RBFOX1: variants seen among roughly 807,000 people sequenced by gnomAD.
RBFOX1 encodes the protein RNA binding fox-1 homolog 1.
A neutral mutation model predicts 57.7 loss-of-function variants in RBFOX1; 8 were observed. The ratio of observed to expected loss-of-function variants is 0.14; its 90% CI spans 0.08 to 0.25. The LOEUF is 0.25. RBFOX1 is among the 10% of genes least tolerant of loss of function. RBFOX1 has a pLI of 1.00. For synonymous variants in RBFOX1, 326 were observed against 222.4 expected, an observed-to-expected ratio of 1.47 and a Z score of -4.15; for missense variants, 611 against 548.5, an observed-to-expected ratio of 1.11 and a Z score of -1.14.
intron 2 of RBFOX1, among the ~76,000 whole-genome samples, chr16:6,335,732 C>G (rs1187650474): frequency 7.1e-6 from 1 of 141,270 alleles, no homozygotes; most frequent in Non-Finnish European, 1.5e-5. Flanking sequence ...AAGCTGAGAT[C>G]GCACCACTAC....
intron 3 of RBFOX1, among the ~76,000 whole-genome samples, chr16:5,638,637 T>C (rs1322267273): frequency 6.6e-6 from 1 of 152,162 alleles, no homozygotes; most frequent in Admixed American, 6.5e-5. Context: ...TCATAAGTTT[T>C]TATTCACTGT....
At chr16:7,011,878 G>A (rs1296205268) in intron 3 of RBFOX1, among the ~76,000 whole-genome samples, 1 of 152,180 alleles carries the variant, frequency 6.6e-6, no homozygotes, top group African/African-American at 2.4e-5. Flanking sequence ...GCCTTTGGAT[G>A]ATGTTAGCTC....
chr16:6,930,896 C>T (rs995888434), intron 3 of RBFOX1, among the ~76,000 whole-genome samples: 1 of 152,072 alleles, frequency 6.6e-6, no homozygotes, highest in Admixed American at 6.5e-5. Context: ...CCTGCCCCCT[C>T]ACCATAGCCG....
rs58351240 is a variant in RBFOX1 at position 7,445,012 on chromosome 16, T to G, written c.28-73135T>G. Among the ~76,000 whole-genome samples, 724 of 81,928 alleles carry G rather than the reference T, an allele frequency of 8.8e-3. 9 individuals carry two copies. Among genetic ancestry groups the G allele is most frequent in the African/African-American group, 0.015 (508 of 34,156 alleles). 53.7% of individuals were successfully genotyped at this position (81,928 alleles called of 152,430 possible). On this transcript the variant is annotated intron_variant, in intron 4 of 15. Transcript: ENST00000550418. ...GCTGAGCCTGACTTTGAAGTGTTTG[T>G]TTTTTTTTTTCTTCTTTTTTTCTTT...
chr16:6,457,448 C>CCCCT (rs1555484699), intron 2 of RBFOX1, among the ~76,000 whole-genome samples: 2 of 148,170 alleles, frequency 1.3e-5, no homozygotes, highest in Non-Finnish European at 3.0e-5. Flanking sequence ...TCCCCCCCCC[C>CCCCT]GCAATAGCTT....
intron 1 of RBFOX1, among the ~76,000 whole-genome samples, chr16:5,347,974 CCCATCGAT>C (rs567703065): frequency 1.1e-3 from 165 of 146,066 alleles, no homozygotes; most frequent in Non-Finnish European, 1.9e-3. Flanking sequence ...TCCCCACCAA[CCCATCGAT>C]CCATCTACCT....
intron 2 of RBFOX1, among the ~76,000 whole-genome samples, chr16:6,539,925 C>A (rs543732807): frequency 6.6e-6 from 1 of 152,002 alleles, no homozygotes; most frequent in Admixed American, 6.6e-5. Flanking sequence ...GGCAAGGTAA[C>A]TTTAAATGGT....
chr16:6,812,797 C>T (rs1160379936), intron 3 of RBFOX1, among the ~76,000 whole-genome samples: 3 of 152,120 alleles, frequency 2.0e-5, no homozygotes, highest in East Asian at 1.9e-4. Flanking sequence ...TTGTGGACCT[C>T]CTGTTTTACT....
At chr16:5,921,453 G>T (rs1265115359) in intron 4 of RBFOX1, among the ~76,000 whole-genome samples, 2 of 152,158 alleles carry the variant, frequency 1.3e-5, no homozygotes, top group African/African-American at 4.8e-5. Context: ...AAGCATTCAG[G>T]CAGGAAAAGA....
intron 4 of RBFOX1, among the ~76,000 whole-genome samples, chr16:7,433,264 C>T (rs774026431): frequency 2.6e-5 from 4 of 152,156 alleles, no homozygotes; most frequent in East Asian, 1.9e-4. Context: ...TGGGCAGAGA[C>T]GGTGAGTAAG....
At chr16:7,527,519 C>T (rs78867742) in intron 5 of RBFOX1, among the ~76,000 whole-genome samples, 6,209 of 151,842 alleles carry the variant, frequency 0.041, 191 homozygotes, top group East Asian at 0.13. Context: ...GTTGTTATGA[C>T]AGGTGAAAAA....
At chr16:6,536,739 G>A (rs2096740760) in intron 2 of RBFOX1, among the ~76,000 whole-genome samples, 1 of 152,022 alleles carries the variant, frequency 6.6e-6, no homozygotes, top group South Asian at 2.1e-4. Flanking sequence ...GCTTCTAAGT[G>A]GAAAGGTTTT....
intron 4 of RBFOX1, among the ~76,000 whole-genome samples, chr16:5,903,341 G>A (rs1184260270): frequency 1.3e-5 from 2 of 152,108 alleles, no homozygotes; most frequent in Non-Finnish European, 2.9e-5. Flanking sequence ...CCTGTCCTCT[G>A]AGAAGTCATG....
intron 4 of RBFOX1, among the ~76,000 whole-genome samples, chr16:7,453,182 GC>G (rs548162647): frequency 2.2e-4 from 33 of 151,520 alleles, no homozygotes; most frequent in African/African-American, 7.7e-4. Context: ...TTGTTTGGTA[GC>G]CAGGATGGCT....
At chr16:5,628,387 C>T (rs997936282) in intron 3 of RBFOX1, among the ~76,000 whole-genome samples, 1 of 151,942 alleles carries the variant, frequency 6.6e-6, no homozygotes, top group Non-Finnish European at 1.5e-5. Flanking sequence ...GGCACATTCT[C>T]CATTGAAAGC....
chr16:6,365,424 A>T (rs964626031), intron 2 of RBFOX1, among the ~76,000 whole-genome samples: 1 of 151,696 alleles, frequency 6.6e-6, no homozygotes. Context: ...GGGTAGGTGG[A>T]TGGGTAGATG....
At chr16:7,642,251 A>G (rs1446209430) in intron 11 of RBFOX1, among the ~76,000 whole-genome samples, 2 of 152,144 alleles carry the variant, frequency 1.3e-5, no homozygotes, top group Non-Finnish European at 2.9e-5. Flanking sequence ...CAGGCAGATG[A>G]TCCCTAGGCT....
At chr16:7,423,081 G>C (rs983565970) in intron 4 of RBFOX1, 5 of 121,194 alleles carry the variant, frequency 4.1e-5, no homozygotes, top group African/African-American at 6.5e-5. Context: ...AGGAGAGAGA[G>C]AATGAGGGAG....
chr16:6,787,081 C>G (rs1028999826), intron 3 of RBFOX1, among the ~76,000 whole-genome samples: 1 of 152,098 alleles, frequency 6.6e-6, no homozygotes, highest in African/African-American at 2.4e-5. Flanking sequence ...AGAAAGCATC[C>G]CTCATAGATT....
Sources: allele counts gnomAD v4.1 joint callset (sites outside exome capture counted in the v4.1 genomes callset), GRCh38; gene constraint gnomAD v4.1.1; transcripts MANE v1.5; gene names NCBI Gene and HGNC (gene_info 2026-07-23, HGNC 2026-07-21).